The following ESR1 variants were observed in gnomAD, a reference collection of about 807,000 sequenced individuals.
The protein encoded by ESR1 is estrogen receptor.
Under a neutral mutation model 52.7 loss-of-function variants are expected in ESR1, and 12 were observed. The observed-to-expected ratio is 0.23, with a 90% CI of 0.15 to 0.37. The LOEUF is 0.37. Ranked by LOEUF, ESR1 falls within the 10% of genes least tolerant of loss-of-function variation. ESR1 has a pLI of 1.00. For synonymous variants in ESR1, 305 were observed against 316.8 expected (o/e 0.96, Z 0.39); for missense variants, 584 against 779.7 (o/e 0.75, Z 2.99).
intron 6 of ESR1, among the ~76,000 whole-genome samples, chr6:152,117,726 C>A (rs188443021): frequency 8.5e-5 from 13 of 152,308 alleles, no homozygotes; most frequent in Admixed American, 8.5e-4. Flanking sequence ...AAGGCTGCAC[C>A]TTGTTCATGC....
exon 7 of ESR1, chr6:152,127,082 G>T (rs893875554): frequency 2.6e-5 from 4 of 152,158 alleles, no homozygotes; most frequent in African/African-American, 9.7e-5. Context: ...CCAGAATCAA[G>T]TTAGGACCCA....
intron 1 of ESR1, among the ~76,000 whole-genome samples, chr6:151,822,992 C>G (rs148759043): frequency 6.6e-6 from 1 of 152,310 alleles, no homozygotes; most frequent in African/African-American, 2.4e-5. Flanking sequence ...ATCTCTGCTG[C>G]CTTCTCTTAG....
At chr6:151,668,042 T>A (rs1266907671) in intron 1 of ESR1, among the ~76,000 whole-genome samples, 1 of 152,156 alleles carries the variant, frequency 6.6e-6, no homozygotes, top group Non-Finnish European at 1.5e-5. Flanking sequence ...GTAGCAAAGA[T>A]GTTAAGTGAG....
intron 4 of ESR1, among the ~76,000 whole-genome samples, chr6:151,992,325 C>G (rs1369621174): frequency 6.6e-6 from 1 of 152,116 alleles, no homozygotes; most frequent in Non-Finnish European, 1.5e-5. Context: ...TCCATTTCCT[C>G]CTGCCCTCAG....
At chr6:152,040,989 A>C (rs781149365) in intron 5 of ESR1, among the ~76,000 whole-genome samples, 1 of 152,226 alleles carries the variant, frequency 6.6e-6, no homozygotes, top group Non-Finnish European at 1.5e-5. Context: ...CTTTATGGCT[A>C]GATGGGTCAA....
At chr6:151,697,405 A>G (rs115277325) in intron 1 of ESR1, among the ~76,000 whole-genome samples, 2 of 152,360 alleles carry the variant, frequency 1.3e-5, no homozygotes, top group Admixed American at 6.5e-5. Flanking sequence ...CCATCTTCCT[A>G]ACTGTAAAAT....
At chr6:152,050,205 G>A (rs2046567185) in intron 5 of ESR1, among the ~76,000 whole-genome samples, 1 of 152,184 alleles carries the variant, frequency 6.6e-6, no homozygotes, top group South Asian at 2.1e-4. Flanking sequence ...AGATCTGCTT[G>A]GCTGGGAACA....
At chr6:151,990,936 T>C (rs972314840) in intron 4 of ESR1, among the ~76,000 whole-genome samples, 6 of 152,174 alleles carry the variant, frequency 3.9e-5, no homozygotes, top group African/African-American at 7.2e-5. Flanking sequence ...TAAATTTGTT[T>C]CCTACACTAA....
rs1585253650 is a variant in ESR1 at position 152,098,657 on chromosome 6, C to T, written c.1554-75C>T. ...TGTCTTTGGAGTTCCTCTTCCTTCC[C>T]CTTCTAGGGATTTCAGCACTCCTGG... On this transcript the variant is annotated intron_variant, in intron 7 of 7. Transcript: ENST00000206249. The surrounding 1 kb of genome is among the most constrained non-coding windows in gnomAD (Gnocchi z 5.1). 8.4e-7 allele frequency: 1 copy of T among 1,188,292 alleles called. No homozygotes were observed. Among genetic ancestry groups the T allele is most frequent in the South Asian group, 1.3e-5 (1 of 78,330 alleles). The allele number at this position is 1,188,292 out of a possible 1,614,324, so 73.6% of individuals were successfully genotyped here.
At chr6:151,814,848 G>T (rs576487294) in intron 1 of ESR1, among the ~76,000 whole-genome samples, 42 of 152,274 alleles carry the variant, frequency 2.8e-4, no homozygotes, top group Non-Finnish European at 4.4e-4. Flanking sequence ...GCATGAATAG[G>T]TGAGATTCTA....
intron 5 of ESR1, among the ~76,000 whole-genome samples, chr6:152,047,957 T>TTC (rs1491128724): frequency 2.7e-4 from 18 of 67,496 alleles, no homozygotes; most frequent in African/African-American, 1.9e-3. Flanking sequence ...TCCTCAAGCA[T>TTC]TTTTTTTTTT....
chr6:152,064,486 A>G lies in ESR1; in HGVS notation c.1369+3362A>G, dbSNP rs150935967. On this transcript the variant is annotated intron_variant, in intron 6 of 7. Transcript: ENST00000206249. The stretch of plus-strand genomic sequence containing the variant: ...TGAATTTCCTCTCTAGACTATTTCA[A>G]TTCTTACAGTCACTACCACACAGTC... Among the ~76,000 whole-genome samples the G allele has an allele frequency of 2.6e-3, 402 of 152,312 alleles. 2 individuals carry two copies. Among genetic ancestry groups the G allele is most frequent in the African/African-American group, 9.1e-3 (377 of 41,576 alleles).
chr6:151,769,676 G>T (rs1052459177), intron 2 of ESR1, among the ~76,000 whole-genome samples: 3 of 152,172 alleles, frequency 2.0e-5, no homozygotes, highest in Admixed American at 1.3e-4. Context: ...TGTTCAGTCT[G>T]GGATATACTA....
chr6:151,944,213 C>G lies in ESR1; in HGVS notation c.801C>G (p.His267Gln), dbSNP rs1584384566. 2 of 1,614,056 alleles carry G rather than the reference C, an allele frequency of 1.2e-6. No individual in the cohort carries two copies. The highest frequency in any genetic ancestry group is 1.7e-6 in the Non-Finnish European group (2 of 1,180,006). The change falls in exon 4 of 8, where the codon CAC becomes CAG. Residue 267 changes from histidine to glutamine, a missense_variant. By Grantham distance (24) the His-to-Gln change is conservative. Coordinates refer to ENST00000206249, the MANE Select transcript of ESR1 (RefSeq NM_000125.4). ...GAAGAGGAGGGAGAATGTTGAAACA[C>G]AAGCGCCAGAGAGATGATGGGGAGG... is the stretch of plus-strand genomic sequence containing the variant. Reference protein sequence around the residue: ...KDRRGGRMLKHKRQRDDGEGR... With the variant: ...KDRRGGRMLKQKRQRDDGEGR...
intron 6 of ESR1, chr6:152,121,543 C>T (rs913267307): frequency 8.5e-5 from 13 of 152,222 alleles, no homozygotes; most frequent in African/African-American, 2.4e-4. Flanking sequence ...CTGCCTCTTG[C>T]CATCCTTTTC....
chr6:152,094,364 ACTCT>A lies in ESR1; in HGVS notation c.1370-14_1370-11del, dbSNP rs759726524. The A allele has an allele frequency of 1.2e-6, 2 of 1,608,534 alleles. No homozygotes were observed. Among genetic ancestry groups the A allele is most frequent in the Non-Finnish European group, 8.5e-7 (1 of 1,175,674 alleles). On this transcript the variant is annotated splice_polypyrimidine_tract_variant and intron_variant, in intron 6 of 7. Coordinates refer to ENST00000206249, the MANE Select transcript of ESR1 (RefSeq NM_000125.4). This position sits in a 1 kb window ranked among gnomAD's most constrained non-coding sequence, Gnocchi z 4.6. ...CATCCTCTTTGAGCTTCTCTCTCTC[ACTCT>A]CTCTCTGCGCATTCAGGAGTGTACA... is the stretch of plus-strand genomic sequence containing the variant.
chr6:151,656,846 C>A (rs1442725230), intron 1 of ESR1: 1 of 152,066 alleles, frequency 6.6e-6, no homozygotes, highest in Admixed American at 6.5e-5. Flanking sequence ...GTTATCAGAC[C>A]AAGGCCTCAC....
intron 5 of ESR1, among the ~76,000 whole-genome samples, chr6:152,051,676 G>C (rs12208351): frequency 2.1e-4 from 32 of 152,172 alleles, no homozygotes; most frequent in South Asian, 1.9e-3. Flanking sequence ...CTGAGCTCCA[G>C]GTCCACAATT....
At chr6:151,673,287 A>G (rs1778140214) in intron 1 of ESR1, among the ~76,000 whole-genome samples, 1 of 152,210 alleles carries the variant, frequency 6.6e-6, no homozygotes, top group African/African-American at 2.4e-5. Context: ...ATTAAATTTT[A>G]ATCAAGTTCT....
Sources: gnomAD v4.1 joint callset for allele counts (sites outside exome capture counted in the v4.1 genomes callset) on GRCh38, gnomAD v4.1.1 for gene constraint, Gnocchi (gnomAD v3.1) non-coding constraint, MANE v1.5 for transcripts, NCBI Gene and HGNC (gene_info 2026-07-23, HGNC 2026-07-21) for gene names.